The following MAP4 variants were observed in gnomAD, a reference collection of about 807,000 sequenced individuals.
MAP4 encodes microtubule-associated protein 4.
A neutral mutation model predicts 170.2 loss-of-function variants in MAP4; 76 were observed. The ratio of observed to expected loss-of-function variants is 0.45; its 90% CI spans 0.37 to 0.54. MAP4 has a LOEUF of 0.54. MAP4 is among the 20% of genes least tolerant of loss of function. The pLI, the probability that MAP4 is intolerant of heterozygous loss-of-function variation, is 0.00. For missense variants in MAP4, 2,506 were observed against 2,748.0 expected (o/e 0.91, Z 1.97); for synonymous variants, 909 against 994.5 (o/e 0.91, Z 1.62).
At chr3:47,859,861 GCA>G (rs999481481) in intron 17 of MAP4, among the ~76,000 whole-genome samples, 2 of 152,210 alleles carry the variant, frequency 1.3e-5, no homozygotes, top group African/African-American at 4.8e-5. Context: ...TTAGGATACA[GCA>G]CAGATACCTC....
intron 1 of MAP4, among the ~76,000 whole-genome samples, chr3:48,087,741 ACG>A (rs5848844): frequency 0.4 from 50,333 of 124,772 alleles, 8,636 homozygotes; most frequent in East Asian, 0.54. Flanking sequence ...ACACACACGC[ACG>A]CGCACACACA....
At chr3:48,043,548 T>A (rs908474144) in intron 1 of MAP4, among the ~76,000 whole-genome samples, 1 of 152,246 alleles carries the variant, frequency 6.6e-6, no homozygotes, top group Admixed American at 6.5e-5. Flanking sequence ...TATTTCCTTT[T>A]TGCATTACTT....
intron 1 of MAP4, among the ~76,000 whole-genome samples, chr3:48,080,997 T>G (rs1240160835): frequency 5.3e-5 from 8 of 152,062 alleles, no homozygotes; most frequent in South Asian, 2.1e-4. Flanking sequence ...GGTGGCGGGC[T>G]CCTGTATTCC....
intron 10 of MAP4, among the ~76,000 whole-genome samples, chr3:47,898,261 T>C (rs2100028066): frequency 6.6e-6 from 1 of 152,098 alleles, no homozygotes; most frequent in African/African-American, 2.4e-5. Flanking sequence ...CCCAGCACTT[T>C]GGGAGGCAGA....
At chr3:48,023,424 GAGA>G (rs1333882657) in intron 1 of MAP4, among the ~76,000 whole-genome samples, 3 of 152,132 alleles carry the variant, frequency 2.0e-5, no homozygotes, top group Non-Finnish European at 2.9e-5. Flanking sequence ...AAGGAGAAAA[GAGA>G]AGGAGGCTTC....
At chr3:47,951,494 C>T (rs1033373732) in intron 3 of MAP4, among the ~76,000 whole-genome samples, 6 of 152,206 alleles carry the variant, frequency 3.9e-5, no homozygotes, top group African/African-American at 9.7e-5. Context: ...CGATTGCAGA[C>T]GCGCGCCGCC....
Position 47,857,570 on chromosome 3 carries a change from C to T in MAP4, c.6502-58G>A, listed in dbSNP as rs910503092. 9 of 1,130,968 alleles carry T rather than the reference C, an allele frequency of 8.0e-6. No homozygotes were observed. The East Asian group carries it at 1.9e-4, about 24-fold the overall frequency. The allele number at this position is 1,130,968 out of a possible 1,614,324, so 70.1% of individuals were successfully genotyped here. ...GAGAAGGTATACTGTCAGAGCCAAC[C>T]CCATGCTACCTTTTAAATCTTCTCC... is the stretch of plus-strand genomic sequence containing the variant. On this transcript the variant is annotated intron_variant, in intron 17 of 20. Coordinates refer to ENST00000683076, the MANE Select transcript of MAP4 (RefSeq NM_001385682.1).
intron 2 of MAP4, among the ~76,000 whole-genome samples, chr3:47,978,856 T>G (rs2100083734): frequency 6.6e-6 from 1 of 151,962 alleles, no homozygotes; most frequent in Non-Finnish European, 1.5e-5. Flanking sequence ...CTTTGGTGAC[T>G]TGAATGGTCA....
intron 3 of MAP4, among the ~76,000 whole-genome samples, chr3:47,955,049 A>C (rs1194809237): frequency 2.0e-5 from 3 of 152,218 alleles, no homozygotes; most frequent in Non-Finnish European, 4.4e-5. Context: ...GACTTGAAAG[A>C]AACAGGGTAG....
intron 1 of MAP4, among the ~76,000 whole-genome samples, chr3:48,027,495 T>C (rs1394385007): frequency 1.3e-5 from 2 of 152,040 alleles, no homozygotes; most frequent in Admixed American, 6.6e-5. Flanking sequence ...TTTTGAAAAA[T>C]GGCCAATATC....
At position 47,909,256 on chromosome 3, in the gene MAP4, C is replaced by T. The variant is rs753671681; in HGVS notation, c.5165G>A (p.Arg1722Gln). The change falls in exon 9 of 21, where the codon CGA becomes CAA. Residue 1722 changes from arginine (R) to glutamine (Q), a missense_variant. Arg to Gln is a conservative substitution (Grantham distance 43). Around this residue, in one of 3 missense-constraint regions of MAP4, gnomAD observed 2,008 missense variants for 2,206.0 expected, o/e 0.91. Transcript: ENST00000683076. Reference protein sequence around the residue: ...LVIMTASKGVRLPEPKDKILE... With the variant: ...LVIMTASKGVQLPEPKDKILE... ...AATCTTATCTTTGGGTTCTGGGAGT[C>T]GAACACCCTTGGAAGCAGTCATTAT... 13 of 1,613,662 alleles carry T rather than the reference C, an allele frequency of 8.1e-6. No individual in the cohort carries two copies. Among genetic ancestry groups the T allele is most frequent in the East Asian group, 4.5e-5 (2 of 44,888 alleles).
At chr3:47,888,772 C>T (rs1381947895) in intron 10 of MAP4, among the ~76,000 whole-genome samples, 1 of 152,192 alleles carries the variant, frequency 6.6e-6, no homozygotes, top group Non-Finnish European at 1.5e-5. Context: ...AGAATTTTCT[C>T]CCATTATTTC....
At chr3:47,931,595 C>T (rs371287878) in intron 3 of MAP4, among the ~76,000 whole-genome samples, 5 of 152,006 alleles carry the variant, frequency 3.3e-5, no homozygotes, top group South Asian at 2.1e-4. Flanking sequence ...CCTCTCACCT[C>T]GGCCTCCCAA....
At chr3:48,064,094 C>G (rs955036768) in intron 1 of MAP4, among the ~76,000 whole-genome samples, 11 of 152,154 alleles carry the variant, frequency 7.2e-5, no homozygotes, top group Non-Finnish European at 1.5e-4. Context: ...TTTCCCAGAA[C>G]AAACCCCCTT....
At chr3:47,865,165 T>C (rs760115353) in intron 17 of MAP4, among the ~76,000 whole-genome samples, 11 of 152,142 alleles carry the variant, frequency 7.2e-5, no homozygotes, top group Admixed American at 2.0e-4. Flanking sequence ...AGGTCATGTG[T>C]AGGCAGTGTG....
At chr3:48,063,100 G>A (rs1030278637) in intron 1 of MAP4, among the ~76,000 whole-genome samples, 6 of 151,062 alleles carry the variant, frequency 4.0e-5, no homozygotes, top group Middle Eastern at 3.4e-3. Flanking sequence ...TCTGACAACC[G>A]TGGTTAAAAG....
At chr3:47,900,944 C>T (rs2100029653) in intron 10 of MAP4, among the ~76,000 whole-genome samples, 1 of 152,146 alleles carries the variant, frequency 6.6e-6, no homozygotes, top group African/African-American at 2.4e-5. Flanking sequence ...CCCCTAGGAT[C>T]CTTTAGGAGC....
chr3:48,069,152 C>T (rs986892650), intron 1 of MAP4, among the ~76,000 whole-genome samples: 1 of 152,150 alleles, frequency 6.6e-6, no homozygotes, highest in Non-Finnish European at 1.5e-5. Context: ...CCAGTAAGTC[C>T]ATGAGTTTCA....
chr3:47,892,458 T>C (rs71615473), intron 10 of MAP4: 62 of 1,534,152 alleles, frequency 4.0e-5, no homozygotes, highest in Non-Finnish European at 5.3e-5. Context: ...TACGCGGCAG[T>C]GAGAGAGGCT....
Sources: allele counts gnomAD v4.1 joint callset (sites outside exome capture counted in the v4.1 genomes callset), GRCh38; gene constraint gnomAD v4.1.1; regional missense constraint gnomAD v4.1.1; transcripts MANE v1.5; gene names NCBI Gene and HGNC (gene_info 2026-07-23, HGNC 2026-07-21).